Variants in CCT3 observed in about 807,000 individuals in gnomAD.
CCT3 encodes the protein chaperonin containing TCP1 subunit 3.
In CCT3, 10 loss-of-function variants were observed where a neutral mutation model predicts 65.3. The observed-to-expected ratio is 0.15, with a 90% CI of 0.09 to 0.26. The LOEUF is 0.26. Ranked by LOEUF, CCT3 falls within the 10% of genes least tolerant of loss-of-function variation. The pLI is 1.00. For synonymous variants in CCT3, 225 were observed against 242.3 expected, an observed-to-expected ratio of 0.93 and a Z score of 0.66; for missense variants, 626 against 708.7, an observed-to-expected ratio of 0.88 and a Z score of 1.33.
intron 4 of CCT3, among the ~76,000 whole-genome samples, chr1:156,334,137 G>C (rs1665227698): frequency 6.6e-6 from 1 of 151,952 alleles, no homozygotes. Context: ...TAATCAGGAG[G>C]CTGAGGCAGA....
rs372098227 is a variant in CCT3, at chr1:156,335,819, T to C, written c.93+8A>G. On this transcript the variant is annotated splice_region_variant and intron_variant, in intron 2 of 13. Coordinates refer to ENST00000295688, the MANE Select transcript of CCT3 (RefSeq NM_005998.5). ...CAAACTACCATAAACACTTAAAAGA[T>C]TTGTGACCTTGGCAGCATTGATGTT... 89 of 1,612,754 alleles carry C rather than the reference T, an allele frequency of 5.5e-5. No individual in the cohort carries two copies. In the African/African-American group the frequency reaches 1.1e-3, roughly 21 times the overall value.
chr1:156,334,475 G>A (rs1665248044), intron 4 of CCT3, among the ~76,000 whole-genome samples: 1 of 152,130 alleles, frequency 6.6e-6, no homozygotes, highest in African/African-American at 2.4e-5. Context: ...ACCATCAGAA[G>A]GGAGAAGCGG....
chr1:156,316,039 A>G (rs1215865548), intron 10 of CCT3, among the ~76,000 whole-genome samples: 2 of 142,862 alleles, frequency 1.4e-5, no homozygotes, highest in African/African-American at 2.5e-5. Context: ...ACATGTAAGT[A>G]GAGTTGGCCC....
intron 5 of CCT3, among the ~76,000 whole-genome samples, chr1:156,331,639 C>T (rs983800223): frequency 1.3e-5 from 2 of 151,288 alleles, no homozygotes; most frequent in African/African-American, 2.4e-5. Flanking sequence ...ACTGAGATTG[C>T]GCCAATGCAC....
intron 6 of CCT3, among the ~76,000 whole-genome samples, chr1:156,323,841 C>T (rs886563011): frequency 1.3e-5 from 2 of 151,702 alleles, no homozygotes; most frequent in East Asian, 3.9e-4. Context: ...TGGCTCACCA[C>T]AAACTCCGCC....
intron 6 of CCT3, among the ~76,000 whole-genome samples, chr1:156,324,709 CCT>C (rs1329108138): frequency 1.3e-5 from 2 of 152,218 alleles, no homozygotes; most frequent in Admixed American, 6.5e-5. Flanking sequence ...CTCACTGCAA[CCT>C]CTGACTCCCT....
chr1:156,311,450 T>A (rs528922035), intron 11 of CCT3, among the ~76,000 whole-genome samples: 2 of 152,280 alleles, frequency 1.3e-5, no homozygotes, highest in South Asian at 4.1e-4. Flanking sequence ...TAGGTCTTTG[T>A]CCATTATGCT....
intron 11 of CCT3, among the ~76,000 whole-genome samples, chr1:156,311,620 C>A (rs893215447): frequency 6.6e-6 from 1 of 152,012 alleles, no homozygotes; most frequent in African/African-American, 2.4e-5. Flanking sequence ...TAGCTATGTG[C>A]CTTTGGGAAA....
chr1:156,314,797 A>G (rs1447814761), intron 10 of CCT3, among the ~76,000 whole-genome samples: 2 of 152,180 alleles, frequency 1.3e-5, no homozygotes, highest in Non-Finnish European at 2.9e-5. Flanking sequence ...GTGCCAGACG[A>G]TGAGGAAGAT....
In CCT3 at chr1:156,320,849, C is replaced by T. The variant is rs1485856325; in HGVS notation, c.599G>A (p.Arg200Lys). The change falls in exon 7 of 14, where the codon AGA becomes AAA. Residue 200 changes from arginine to lysine, a missense_variant. Physicochemically the swap from Arg to Lys is conservative, Grantham distance 26 (BLOSUM62 2). Transcript: ENST00000295688. Reference protein sequence around the residue: ...RKEIDIKKYARVEKIPGGIIE... With the variant: ...RKEIDIKKYAKVEKIPGGIIE... ...ACTTTGAAAGTTTACCTTTTCCACT[C>T]TTGCATATTTTTTTATGTCAATCTC... The T allele has an allele frequency of 1.9e-6, 3 of 1,608,282 alleles. No homozygotes were observed. In the Admixed American group the frequency reaches 5.0e-5, roughly 27 times the overall value.
intron 7 of CCT3, 30 bp downstream of exon 7, chr1:156,320,809 T>C (rs748940784): frequency 1.2e-5 from 17 of 1,423,658 alleles, no homozygotes; most frequent in Non-Finnish European, 1.7e-5. Context: ...ACATATAATT[T>C]GACCCAATGT....
At chr1:156,338,031 TGAA>T (rs1339775352) in intron 1 of CCT3, 120 bp downstream of exon 1, 15 of 1,086,222 alleles carry the variant, frequency 1.4e-5, no homozygotes, top group Non-Finnish European at 2.1e-5. Context: ...GCTTCCAAAA[TGAA>T]GACGATGATT....
Position 156,310,689 on chromosome 1 carries a change from C to T in CCT3, c.1402G>A (p.Ala468Thr). Reference sequence around the variant, plus strand: ...TCACAGTTCTCCTGGGTGTGCTTGGCCTGCAATTGAAGCAAGAAGTAAAGG... The same window carrying T: ...TCACAGTTCTCCTGGGTGTGCTTGGTCTGCAATTGAAGCAAGAAGTAAAGG... ...STIRLLTSLR[A>T]KHTQENCETW... The change falls in exon 13 of 14, where the codon GCC becomes ACC. Residue 468 changes from alanine to threonine, a missense_variant and splice_region_variant. Ala to Thr is a moderately conservative substitution (Grantham distance 58). Coordinates refer to ENST00000295688, the MANE Select transcript of CCT3 (RefSeq NM_005998.5). 6.2e-7 allele frequency: 1 copy of T among 1,612,096 alleles called. No individual in the cohort carries two copies. The highest frequency in any genetic ancestry group is 8.5e-7 in the Non-Finnish European group (1 of 1,179,440).
At chr1:156,330,153 A>C (rs990807113) in intron 5 of CCT3, among the ~76,000 whole-genome samples, 1 of 152,222 alleles carries the variant, frequency 6.6e-6, no homozygotes, top group East Asian at 1.9e-4. Flanking sequence ...CAGCTAGAAA[A>C]TTTTCTCTGA....
At chr1:156,326,016 A>C (rs1664789552) in intron 5 of CCT3, among the ~76,000 whole-genome samples, 1 of 152,106 alleles carries the variant, frequency 6.6e-6, no homozygotes, top group South Asian at 2.1e-4. Context: ...CTAAAAACAA[A>C]ACACACAAAA....
chr1:156,329,827 TACTTGG>T, intron 5 of CCT3, among the ~76,000 whole-genome samples: 1 of 151,550 alleles, frequency 6.6e-6, no homozygotes, highest in Non-Finnish European at 1.5e-5. Context: ...TAACCCCAGC[TACTTGG>T]GAGGCTGAGG....
chr1:156,325,577 ATTTTTTTTT>A (rs549653555), intron 5 of CCT3, among the ~76,000 whole-genome samples: 7 of 137,944 alleles, frequency 5.1e-5, no homozygotes, highest in African/African-American at 1.9e-4. Context: ...TATTCTTTTG[ATTTTTTTTT>A]TTTTTTTTTG....
rs954111208 is a variant in CCT3 at position 156,334,911 on chromosome 1, G to C, written c.101C>G (p.Ala34Gly). 4 of 1,613,824 alleles carry C rather than the reference G, an allele frequency of 2.5e-6. No individual in the cohort carries two copies. Among genetic ancestry groups the C allele is most frequent in the Non-Finnish European group, 3.4e-6 (4 of 1,179,842 alleles). Reference protein sequence around the residue: ...SGNINAAKTIADIIRTCLGPK... With the variant: ...SGNINAAKTIGDIIRTCLGPK... The stretch of plus-strand genomic sequence containing the variant: ...TCCCAAACATGTTCGGATGATATCT[G>C]CAATAGTCTAATGGAAAGGGAACAT... Residue 34 changes from alanine to glycine, a missense_variant, in exon 3 of 14, where the codon GCA (alanine) becomes GGA (glycine). By Grantham distance (60) the Ala-to-Gly change is moderately conservative. Transcript: ENST00000295688.
At chr1:156,325,765 A>G (rs904595772) in intron 5 of CCT3, among the ~76,000 whole-genome samples, 6 of 152,016 alleles carry the variant, frequency 3.9e-5, no homozygotes, top group Non-Finnish European at 7.4e-5. Context: ...TTATTAGTAG[A>G]GACGGGTTTT....
Sources: gnomAD v4.1 joint callset for allele counts (sites outside exome capture counted in the v4.1 genomes callset) on GRCh38, gnomAD v4.1.1 for gene constraint, MANE v1.5 for transcripts, NCBI Gene and HGNC (gene_info 2026-07-23, HGNC 2026-07-21) for gene names.